The following ITPK1 variants were observed in gnomAD, a reference collection of about 807,000 sequenced individuals.
ITPK1 encodes inositol-tetrakisphosphate 1-kinase, also known as inositol 1,3,4-trisphosphate 5/6-kinase.
Under a neutral mutation model 45.3 loss-of-function variants are expected in ITPK1, and 21 were observed. That is an observed-to-expected ratio of 0.46 (90% CI 0.33 to 0.67). The LOEUF (loss-of-function observed/expected upper bound fraction) is 0.67, where lower values mean the gene tolerates loss of function less well. Among genes scored for constraint, ITPK1 ranks in the 30% least tolerant of loss-of-function variants. The pLI, the probability that ITPK1 is intolerant of heterozygous loss-of-function variation, is 0.02. For missense variants in ITPK1, 474 were observed against 573.5 expected (o/e 0.83, Z 1.77); for synonymous variants, 258 against 253.6 (o/e 1.02, Z -0.16).
rs951062207 is a variant in ITPK1, at chr14:93,032,266, C to T, written c.121-15465G>A. Among the ~76,000 whole-genome samples, 1 of 152,182 alleles carries T rather than the reference C, an allele frequency of 6.6e-6. No individual in the cohort carries two copies. Among genetic ancestry groups the T allele is most frequent in the Non-Finnish European group, 1.5e-5 (1 of 68,042 alleles). ...TCGGAAGGCTGAGGCAGGAGAATCA[C>T]TTGAACCCAGGAGGCGGAGGTTGCA... is the stretch of plus-strand genomic sequence containing the variant. On this transcript the variant is annotated intron_variant, in intron 3 of 10. Transcript: ENST00000267615. This position sits in a 1 kb window ranked among gnomAD's most constrained non-coding sequence, Gnocchi z 4.0.
At chr14:93,072,742 G>A (rs888085941) in intron 3 of ITPK1, among the ~76,000 whole-genome samples, 23 of 151,820 alleles carry the variant, frequency 1.5e-4, no homozygotes, top group Admixed American at 2.6e-4. Flanking sequence ...AGCCCCAAGC[G>A]GTCATACACC....
chr14:93,107,222 T>G lies in ITPK1; in HGVS notation c.95+7847A>C, dbSNP rs186620791. On this transcript the variant is annotated intron_variant, in intron 2 of 10. Coordinates refer to ENST00000267615, the MANE Select transcript of ITPK1 (RefSeq NM_014216.6). ...ATCTGCCCGCCTCAGCCTCCCAAAG[T>G]GCTGGGATTACAGGTGTAAGCCATC... Among the ~76,000 whole-genome samples, 8 of 152,314 alleles carry G rather than the reference T, an allele frequency of 5.3e-5. No homozygotes were observed. In the East Asian group the frequency reaches 1.5e-3, roughly 29 times the overall value.
At chr14:92,995,626 G>T (rs568532339) in intron 4 of ITPK1, among the ~76,000 whole-genome samples, 2 of 152,232 alleles carry the variant, frequency 1.3e-5, no homozygotes, top group East Asian at 3.9e-4. Context: ...CAGTCCTCAC[G>T]CCTGTGACTC....
chr14:93,107,436 C>T (rs908820888), intron 2 of ITPK1, among the ~76,000 whole-genome samples: 1 of 152,170 alleles, frequency 6.6e-6, no homozygotes, highest in African/African-American at 2.4e-5. Flanking sequence ...GTGGTGGGGG[C>T]CTAAGTATCA....
chr14:93,024,932 T>TGG (rs1888662625), intron 3 of ITPK1, among the ~76,000 whole-genome samples: 1 of 151,982 alleles, frequency 6.6e-6, no homozygotes, highest in Non-Finnish European at 1.5e-5. Flanking sequence ...GGATTGAGGC[T>TGG]GGGGGGAGCT....
At chr14:92,993,258 T>TA (rs1886880765) in intron 5 of ITPK1, among the ~76,000 whole-genome samples, 1 of 152,350 alleles carries the variant, frequency 6.6e-6, no homozygotes, top group South Asian at 2.1e-4. Context: ...ACTAGGAGGT[T>TA]ACTGTTAACA....
At chr14:93,015,341 T>G (rs1326624595) in intron 4 of ITPK1, among the ~76,000 whole-genome samples, 1 of 151,954 alleles carries the variant, frequency 6.6e-6, no homozygotes, top group South Asian at 2.1e-4. Flanking sequence ...CATGGGTGAG[T>G]GCTGATCAGC....
At chr14:92,984,900 A>G (rs1886419281) in intron 5 of ITPK1, among the ~76,000 whole-genome samples, 2 of 152,248 alleles carry the variant, frequency 1.3e-5, no homozygotes, top group Admixed American at 1.3e-4. Context: ...CATATGAGAG[A>G]CAGTCTGCAA....
chr14:92,938,408 T>G lies in ITPK1; in HGVS notation c.*3153A>C. 1 of 1,163,148 alleles carries G rather than the reference T, an allele frequency of 8.6e-7. No individual in the cohort carries two copies. Among genetic ancestry groups the G allele is most frequent in the East Asian group, 2.3e-5 (1 of 42,754 alleles). The allele number at this position is 1,163,148 out of a possible 1,614,324, so 72.1% of individuals were successfully genotyped here. On this transcript the variant is annotated 3_prime_UTR_variant, in exon 11 of 11. Coordinates refer to ENST00000267615, the MANE Select transcript of ITPK1 (RefSeq NM_014216.6). Reference sequence around the variant, plus strand: ...AAGGACAAACGACAGGCTGGCTCCCTTGGTCTTGGGGTGGCTGTCTGGCAG... The same window carrying G: ...AAGGACAAACGACAGGCTGGCTCCCGTGGTCTTGGGGTGGCTGTCTGGCAG...
chr14:92,981,436 G>A (rs986185852), intron 5 of ITPK1, among the ~76,000 whole-genome samples: 4 of 151,994 alleles, frequency 2.6e-5, no homozygotes, highest in Non-Finnish European at 4.4e-5. Flanking sequence ...TCCTCTAATT[G>A]AGCCCAGTAT....
chr14:92,967,695 T>C lies in ITPK1; in HGVS notation c.365-4846A>G, dbSNP rs77125255. 7.9e-3 allele frequency among the ~76,000 whole-genome samples: 1,198 copies of C among 152,302 alleles called. 18 individuals are homozygous for C. The highest frequency in any genetic ancestry group is 0.027 in the African/African-American group (1,133 of 41,568). ...CAGAAGGAATAAACAAAATGTGACC[T>C]ACCCATACAATGGAATATTATTCAG... On this transcript the variant is annotated intron_variant, in intron 5 of 10. Coordinates refer to ENST00000267615, the MANE Select transcript of ITPK1 (RefSeq NM_014216.6).
chr14:93,091,465 A>G (rs569079900), intron 2 of ITPK1, among the ~76,000 whole-genome samples: 1 of 152,108 alleles, frequency 6.6e-6, no homozygotes, highest in African/African-American at 2.4e-5. Context: ...ATCATTCTTC[A>G]TTCTCTCTTT....
chr14:93,113,634 C>G (rs1892831078), intron 2 of ITPK1, among the ~76,000 whole-genome samples: 1 of 152,226 alleles, frequency 6.6e-6, no homozygotes, highest in African/African-American at 2.4e-5. Context: ...GTACAACGTT[C>G]AAGTACCCTT....
chr14:93,097,735 A>T (rs1466372464), intron 2 of ITPK1, among the ~76,000 whole-genome samples: 1 of 152,272 alleles, frequency 6.6e-6, no homozygotes, highest in Non-Finnish European at 1.5e-5. Flanking sequence ...TCGGCCAGGC[A>T]CAGTGATTCA....
At chr14:92,971,594 AG>A (rs930478893) in intron 5 of ITPK1, among the ~76,000 whole-genome samples, 10 of 152,224 alleles carry the variant, frequency 6.6e-5, no homozygotes, top group Non-Finnish European at 1.3e-4. Context: ...TAACACGCCA[AG>A]GAACAGGGGC....
chr14:93,112,280 T>C (rs1488183292), intron 2 of ITPK1, among the ~76,000 whole-genome samples: 1 of 152,066 alleles, frequency 6.6e-6, no homozygotes, highest in Admixed American at 6.5e-5. Context: ...CTTGATGGGT[T>C]TCCCCATCTG....
intron 2 of ITPK1, among the ~76,000 whole-genome samples, chr14:93,092,065 G>C (rs1383000464): frequency 6.6e-6 from 1 of 152,192 alleles, no homozygotes; most frequent in Non-Finnish European, 1.5e-5. Flanking sequence ...ACACAGAAGA[G>C]AGCCCAAGAA....
chr14:93,001,961 G>A (rs1029217965), intron 4 of ITPK1, among the ~76,000 whole-genome samples: 2 of 152,158 alleles, frequency 1.3e-5, no homozygotes, highest in Non-Finnish European at 2.9e-5. Context: ...TGCTCACCAC[G>A]CACGGGTCAC....
At chr14:93,080,323 CT>C (rs1450194053) in intron 2 of ITPK1, among the ~76,000 whole-genome samples, 1 of 152,188 alleles carries the variant, frequency 6.6e-6, no homozygotes, top group Non-Finnish European at 1.5e-5. Context: ...ACTGTGTCCC[CT>C]CATACATTGC....
Sources: allele counts gnomAD v4.1 joint callset (sites outside exome capture counted in the v4.1 genomes callset), GRCh38; gene constraint gnomAD v4.1.1; non-coding constraint Gnocchi (gnomAD v3.1); transcripts MANE v1.5; gene names NCBI Gene and HGNC (gene_info 2026-07-23, HGNC 2026-07-21).